GRAMD2B: variants seen among roughly 807,000 people sequenced by gnomAD.
GRAMD2B encodes GRAM domain containing 2B, also known as GRAM domain-containing protein 2B.
In GRAMD2B, 41 loss-of-function variants were observed where a neutral mutation model predicts 59.2. That is an observed-to-expected ratio of 0.69 (90% CI 0.54 to 0.90). The LOEUF (loss-of-function observed/expected upper bound fraction) is 0.90. Among genes scored for constraint, GRAMD2B ranks in the 40% least tolerant of loss-of-function variants. The pLI, the probability that GRAMD2B is intolerant of heterozygous loss-of-function variation, is 0.00. For synonymous variants in GRAMD2B, 161 were observed against 182.7 expected (o/e 0.88, Z 0.96); for missense variants, 424 against 500.5 (o/e 0.85, Z 1.46).
intron 1 of GRAMD2B, among the ~76,000 whole-genome samples, chr5:126,363,814 G>A (rs1348169309): frequency 3.3e-5 from 5 of 152,172 alleles, no homozygotes; most frequent in Non-Finnish European, 7.4e-5. Context: ...GGGCAGAATG[G>A]AAGAGGAAAA....
chr5:126,421,877 C>T (rs1473984696), upstream of GRAMD2B, among the ~76,000 whole-genome samples: 1 of 152,164 alleles, frequency 6.6e-6, no homozygotes, highest in Non-Finnish European at 1.5e-5. Flanking sequence ...ACTCTTAAAT[C>T]TAAACTTTAT....
chr5:126,432,798 G>A (rs749045856), intron 1 of GRAMD2B, among the ~76,000 whole-genome samples: 4 of 152,082 alleles, frequency 2.6e-5, no homozygotes, highest in East Asian at 1.9e-4. Flanking sequence ...GTATGTTCTC[G>A]ATTTGATCAG....
intron 13 of GRAMD2B, among the ~76,000 whole-genome samples, chr5:126,491,697 G>A (rs2126992797): frequency 1.3e-5 from 2 of 152,190 alleles, no homozygotes; most frequent in East Asian, 3.9e-4. Flanking sequence ...AGGGCTGGTT[G>A]TTGAGAATTC....
chr5:126,436,070 A>G lies in GRAMD2B; in HGVS notation c.83+12381A>G, dbSNP rs199664287. ...ATCACTGGAGTTGCAAGCTTCTCTG[A>G]TATACTTAATGTCTGAAAATAATCA... On this transcript the variant is annotated intron_variant, in intron 1 of 13. Transcript: ENST00000285689. Among the ~76,000 whole-genome samples, 9 of 152,320 alleles carry G rather than the reference A, an allele frequency of 5.9e-5. No individual in the cohort carries two copies. In the East Asian group the frequency reaches 1.7e-3, roughly 29 times the overall value.
At chr5:126,457,401 A>G (rs1475709763) in intron 1 of GRAMD2B, among the ~76,000 whole-genome samples, 1 of 152,072 alleles carries the variant, frequency 6.6e-6, no homozygotes, top group East Asian at 1.9e-4. Flanking sequence ...TGGGAGGCCC[A>G]GGCAGGTAGA....
intron 1 of GRAMD2B, among the ~76,000 whole-genome samples, chr5:126,392,244 C>A (rs780455495): frequency 6.6e-6 from 1 of 152,148 alleles, no homozygotes; most frequent in Non-Finnish European, 1.5e-5. Context: ...ACTAGAAGGA[C>A]TCATAGAACT....
At chr5:126,417,465 C>A (rs796474059) in intron 1 of GRAMD2B, among the ~76,000 whole-genome samples, 25 of 152,336 alleles carry the variant, frequency 1.6e-4, no homozygotes, top group African/African-American at 6.0e-4. Flanking sequence ...AAGCACCAGA[C>A]CTGGGAATGA....
At chr5:126,435,512 G>A (rs1485828557) in intron 1 of GRAMD2B, among the ~76,000 whole-genome samples, 1 of 152,184 alleles carries the variant, frequency 6.6e-6, no homozygotes, top group Non-Finnish European at 1.5e-5. Context: ...CCCCCGGTTA[G>A]GTGTCCCCTC....
Position 126,442,577 on chromosome 5 carries a change from C to T in GRAMD2B, c.83+18888C>T, listed in dbSNP as rs560251907. Among the ~76,000 whole-genome samples the T allele has an allele frequency of 2.8e-4, 42 of 152,210 alleles. 1 individual carries two copies. The highest frequency in any genetic ancestry group is 1.9e-3 in the Admixed American group (29 of 15,294). ...AAAGTGCTGGGATTACAGGCGTGAG[C>T]GACCGCGCCTGGCCTAAAATGCTTT... On this transcript the variant is annotated intron_variant, in intron 1 of 13. Transcript: ENST00000285689.
intron 1 of GRAMD2B, among the ~76,000 whole-genome samples, chr5:126,408,837 C>A (rs1758498765): frequency 9.2e-6 from 1 of 108,910 alleles, no homozygotes; most frequent in East Asian, 3.4e-4. Flanking sequence ...TATCCCTCCC[C>A]CCTCCCCCCA....
chr5:126,360,536 G>T, intron 1 of GRAMD2B: 1 of 1,397,960 alleles, frequency 7.2e-7, no homozygotes, highest in Non-Finnish European at 9.7e-7. Flanking sequence ...GGCCTTTTTG[G>T]TATCTTAAGG....
chr5:126,371,473 A>G, exon 1 of GRAMD2B: 2 of 1,289,238 alleles, frequency 1.6e-6, no homozygotes, highest in African/African-American at 3.0e-5. Flanking sequence ...TTCTAGTGAC[A>G]CGGTGTTCCG....
chr5:126,449,396 C>G (rs1420578191), intron 1 of GRAMD2B, among the ~76,000 whole-genome samples: 1 of 152,112 alleles, frequency 6.6e-6, no homozygotes, highest in Non-Finnish European at 1.5e-5. Flanking sequence ...ATTGTTGACA[C>G]TAACATGACA....
At chr5:126,367,546 C>T (rs1270275272), upstream of GRAMD2B, among the ~76,000 whole-genome samples, 2 of 152,038 alleles carry the variant, frequency 1.3e-5, no homozygotes, top group Non-Finnish European at 2.9e-5. Context: ...TCCATCGAGC[C>T]TAGCATCAGT....
intron 1 of GRAMD2B, among the ~76,000 whole-genome samples, chr5:126,390,779 C>T (rs548173356): frequency 6.6e-6 from 1 of 152,148 alleles, no homozygotes; most frequent in African/African-American, 2.4e-5. Flanking sequence ...GTGTGCCAGA[C>T]GTCTCCTCCT....
intron 1 of GRAMD2B, among the ~76,000 whole-genome samples, chr5:126,440,883 A>T (rs1345019266): frequency 6.6e-6 from 1 of 152,194 alleles, no homozygotes; most frequent in Admixed American, 6.5e-5. Flanking sequence ...AATCATGGGG[A>T]TAGAATAGTC....
At chr5:126,374,373 G>T (rs1183040575) in intron 1 of GRAMD2B, among the ~76,000 whole-genome samples, 2 of 151,986 alleles carry the variant, frequency 1.3e-5, no homozygotes, top group African/African-American at 4.8e-5. Flanking sequence ...TCTATAAAAT[G>T]CCTACTTATG....
intron 1 of GRAMD2B, among the ~76,000 whole-genome samples, chr5:126,388,081 G>A (rs1210016877): frequency 2.0e-5 from 3 of 152,102 alleles, no homozygotes; most frequent in African/African-American, 7.2e-5. Context: ...ACTTAAAGAT[G>A]CAATTTTCAG....
At chr5:126,438,341 A>C (rs1030171134) in intron 1 of GRAMD2B, among the ~76,000 whole-genome samples, 1 of 152,200 alleles carries the variant, frequency 6.6e-6, no homozygotes. Context: ...GGCACACCCA[A>C]TAAGTGACAG....
Sources: allele counts gnomAD v4.1 joint callset (sites outside exome capture counted in the v4.1 genomes callset), GRCh38; gene constraint gnomAD v4.1.1; transcripts MANE v1.5; gene names NCBI Gene and HGNC (gene_info 2026-07-23, HGNC 2026-07-21).